RBFOX1: variants seen among roughly 807,000 people sequenced by gnomAD.
RBFOX1 encodes RNA binding fox-1 homolog 1.
In RBFOX1, 8 loss-of-function variants were observed where a neutral mutation model predicts 57.7. The observed-to-expected ratio is 0.14, with a 90% CI of 0.08 to 0.25. RBFOX1 has a LOEUF of 0.25. Ranked by LOEUF, RBFOX1 falls within the 10% of genes least tolerant of loss-of-function variation. The pLI, the probability that RBFOX1 is intolerant of heterozygous loss-of-function variation, is 1.00. For missense variants in RBFOX1, 611 were observed against 548.5 expected (o/e 1.11, Z -1.14); for synonymous variants, 326 against 222.4 (o/e 1.47, Z -4.15).
intron 4 of RBFOX1, among the ~76,000 whole-genome samples, chr16:7,064,835 C>A (rs1036547436): frequency 2.0e-5 from 3 of 152,200 alleles, no homozygotes; most frequent in African/African-American, 4.8e-5. Flanking sequence ...GATTTAATTA[C>A]ATATTCTAAA....
chr16:5,773,689 T>C (rs79361611), intron 3 of RBFOX1, among the ~76,000 whole-genome samples: 1 of 152,138 alleles, frequency 6.6e-6, no homozygotes, highest in Non-Finnish European at 1.5e-5. Flanking sequence ...TGGAAAAGCA[T>C]GTGCATTTTT....
At chr16:7,189,327 G>T (rs1362062577) in intron 4 of RBFOX1, among the ~76,000 whole-genome samples, 1 of 150,714 alleles carries the variant, frequency 6.6e-6, no homozygotes, top group African/African-American at 2.4e-5. Flanking sequence ...TCAGGAGGCT[G>T]AGGCAGGAGA....
At chr16:5,712,814 A>G (rs1212411329) in intron 3 of RBFOX1, among the ~76,000 whole-genome samples, 1 of 152,132 alleles carries the variant, frequency 6.6e-6, no homozygotes. Context: ...TTTTAATGCT[A>G]CTTCTTTTGC....
intron 1 of RBFOX1, among the ~76,000 whole-genome samples, chr16:6,256,383 G>A (rs1031247791): frequency 1.3e-5 from 2 of 149,192 alleles, no homozygotes; most frequent in African/African-American, 4.9e-5. Context: ...GAGGACTGAG[G>A]CAGAAGGAGG....
At chr16:6,867,724 G>T (rs1387435776) in intron 3 of RBFOX1, among the ~76,000 whole-genome samples, 1 of 152,106 alleles carries the variant, frequency 6.6e-6, no homozygotes, top group African/African-American at 2.4e-5. Flanking sequence ...CAAAAAGAAA[G>T]GGATCCAACA....
At position 5,631,244 on chromosome 16, in the gene RBFOX1, C is replaced by G. The variant is rs146265244; in HGVS notation, c.318+32283C>G. On this transcript the variant is annotated intron_variant, in intron 3 of 19. Coordinates refer to the RBFOX1 transcript ENST00000641259. The stretch of plus-strand genomic sequence containing the variant: ...CTGGTCAGGGTCTTAGAGGCTCTCT[C>G]CAATCCTCATGCACATTTAAAAGTC... 3.9e-3 allele frequency among the ~76,000 whole-genome samples: 588 copies of G among 152,258 alleles called. 5 individuals are homozygous for G. The highest frequency in any genetic ancestry group is 0.013 in the African/African-American group (536 of 41,562).
intron 4 of RBFOX1, among the ~76,000 whole-genome samples, chr16:7,146,718 G>T (rs920205651): frequency 2.0e-5 from 3 of 151,862 alleles, no homozygotes; most frequent in Non-Finnish European, 4.4e-5. Context: ...CGAGGCTGAG[G>T]CAGACAGATC....
intron 4 of RBFOX1, among the ~76,000 whole-genome samples, chr16:7,260,508 G>A (rs962585726): frequency 1.3e-5 from 2 of 151,904 alleles, no homozygotes; most frequent in Non-Finnish European, 2.9e-5. Flanking sequence ...CTCTTTCCCC[G>A]TTAACTGCTT....
At chr16:6,816,933 G>C (rs1341729783) in intron 3 of RBFOX1, among the ~76,000 whole-genome samples, 1 of 151,938 alleles carries the variant, frequency 6.6e-6, no homozygotes, top group East Asian at 1.9e-4. Context: ...TTTTTGGAGA[G>C]ATGGGGTCTT....
chr16:5,563,031 C>T (rs973207388), intron 2 of RBFOX1, among the ~76,000 whole-genome samples: 1 of 152,160 alleles, frequency 6.6e-6, no homozygotes, highest in Non-Finnish European at 1.5e-5. Flanking sequence ...CTCACTGCAA[C>T]CTCTGCCTCC....
intron 3 of RBFOX1, among the ~76,000 whole-genome samples, chr16:5,728,537 G>A (rs2052238943): frequency 6.6e-6 from 1 of 152,184 alleles, no homozygotes; most frequent in African/African-American, 2.4e-5. Context: ...AGGTTTCCAG[G>A]TAAGGTCCCT....
intron 3 of RBFOX1, among the ~76,000 whole-genome samples, chr16:6,943,724 A>G (rs891502850): frequency 1.8e-4 from 27 of 151,926 alleles, no homozygotes; most frequent in African/African-American, 6.5e-4. Flanking sequence ...AAAAAAAAAA[A>G]AAAGTATTCG....
chr16:6,637,194 ATATT>A (rs1217829168), intron 2 of RBFOX1, among the ~76,000 whole-genome samples: 3 of 69,436 alleles, frequency 4.3e-5, no homozygotes, highest in African/African-American at 1.9e-4. Flanking sequence ...TATACAATAT[ATATT>A]ATATATTATA....
intron 4 of RBFOX1, among the ~76,000 whole-genome samples, chr16:5,929,722 A>G (rs2059009704): frequency 6.6e-6 from 1 of 152,166 alleles, no homozygotes; most frequent in East Asian, 1.9e-4. Context: ...TTTTATGTTA[A>G]AATGGGAATA....
chr16:5,989,882 CA>C (rs2060361383), intron 4 of RBFOX1, among the ~76,000 whole-genome samples: 1 of 36,314 alleles, frequency 2.8e-5, no homozygotes, highest in African/African-American at 1.1e-4. Context: ...ACACACACAC[CA>C]CCCCTGTTTT....
intron 4 of RBFOX1, among the ~76,000 whole-genome samples, chr16:7,472,344 C>T (rs1270228468): frequency 2.0e-5 from 3 of 151,738 alleles, no homozygotes; most frequent in Non-Finnish European, 2.9e-5. Flanking sequence ...GGATCTTCGT[C>T]AACAACATAA....
intron 3 of RBFOX1, among the ~76,000 whole-genome samples, chr16:7,016,465 C>A (rs766438140): frequency 6.6e-6 from 1 of 152,222 alleles, no homozygotes; most frequent in Middle Eastern, 3.4e-3. Context: ...TGTTTCGGGA[C>A]GTAACCTAAG....
chr16:6,687,100 T>G (rs1311274286), intron 3 of RBFOX1, among the ~76,000 whole-genome samples: 1 of 152,200 alleles, frequency 6.6e-6, no homozygotes, highest in Admixed American at 6.5e-5. Flanking sequence ...CACTTACAGA[T>G]GAAGGGCTTT....
At chr16:7,220,989 A>G (rs2092684860) in intron 4 of RBFOX1, among the ~76,000 whole-genome samples, 1 of 152,182 alleles carries the variant, frequency 6.6e-6, no homozygotes, top group Admixed American at 6.5e-5. Context: ...AAGACAAGTC[A>G]TCGGTTTCCA....
Sources: allele counts gnomAD v4.1 joint callset (sites outside exome capture counted in the v4.1 genomes callset), GRCh38; gene constraint gnomAD v4.1.1; transcripts MANE v1.5; gene names NCBI Gene and HGNC (gene_info 2026-07-23, HGNC 2026-07-21).